Variants in FHOD3 observed in about 807,000 individuals in gnomAD.
FHOD3 encodes the protein FH1/FH2 domain-containing protein 3.
FHOD3 carries 90 observed loss-of-function variants against 173.0 expected under a neutral mutation model. The observed-to-expected ratio is 0.52, with a 90% CI of 0.44 to 0.62. FHOD3 has a LOEUF of 0.62. Ranked by LOEUF, FHOD3 falls within the 20% of genes least tolerant of loss-of-function variation. FHOD3 has a pLI of 0.00. For missense variants in FHOD3, 1,945 were observed against 2,034.7 expected (o/e 0.96, Z 0.85); for synonymous variants, 828 against 823.0 (o/e 1.01, Z -0.10).
Position 36,709,355 on chromosome 18 carries a change from GAGA to G in FHOD3, c.2500_2502del (p.Lys834del), listed in dbSNP as rs752593139. ...CTCCAGCAGCACGTTGGAGAGGGAG[GAGA>G]AGGAGGACAAGCTCTCCAGGGACAG... On this transcript the variant is annotated inframe_deletion, in exon 18 of 29. Transcript: ENST00000590592. The G allele has an allele frequency of 6.8e-6, 11 of 1,614,052 alleles. No homozygotes were observed. The Admixed American group carries it at 1.7e-4, about 24-fold the overall frequency.
rs577832191 is a variant in FHOD3 at position 36,430,571 on chromosome 18, C to T, written c.337+57827C>T. On this transcript the variant is annotated intron_variant, in intron 3 of 28. Coordinates refer to ENST00000590592, the MANE Select transcript of FHOD3 (RefSeq NM_001281740.3). ...TAATTCCTGCAAGTCTGACAGTGAT[C>T]TCTAGTAAAATCTATACAATCTATT... Among the ~76,000 whole-genome samples, 3 of 152,290 alleles carry T rather than the reference C, an allele frequency of 2.0e-5. No homozygotes were observed. In the South Asian group the frequency reaches 6.2e-4, roughly 32 times the overall value.
At chr18:36,634,997 G>A (rs2034782238) in intron 10 of FHOD3, among the ~76,000 whole-genome samples, 1 of 152,164 alleles carries the variant, frequency 6.6e-6, no homozygotes, top group South Asian at 2.1e-4. Flanking sequence ...TTATAAATGG[G>A]ATTCACTGAC....
At chr18:36,596,830 A>G (rs2030518457) in intron 7 of FHOD3, among the ~76,000 whole-genome samples, 1 of 152,138 alleles carries the variant, frequency 6.6e-6, no homozygotes, top group South Asian at 2.1e-4. Flanking sequence ...AAAGACCCTT[A>G]TGGCCAAGAG....
chr18:36,760,042 G>T (rs1346359002), intron 26 of FHOD3, among the ~76,000 whole-genome samples: 2 of 152,116 alleles, frequency 1.3e-5, no homozygotes, highest in African/African-American at 2.4e-5. Flanking sequence ...TTCTTGAAGG[G>T]CCTCAGTTTC....
chr18:36,630,713 C>T (rs1425267891), intron 10 of FHOD3, among the ~76,000 whole-genome samples: 1 of 152,190 alleles, frequency 6.6e-6, no homozygotes, highest in Non-Finnish European at 1.5e-5. Context: ...GAGGAATCTG[C>T]ATTGAGAAGC....
chr18:36,624,887 A>T (rs2033980216), intron 9 of FHOD3, among the ~76,000 whole-genome samples: 1 of 152,140 alleles, frequency 6.6e-6, no homozygotes, highest in Admixed American at 6.5e-5. Flanking sequence ...TTCTGGTAAA[A>T]CTACAGGCTC....
At chr18:36,553,427 C>T (rs1225638357) in intron 5 of FHOD3, among the ~76,000 whole-genome samples, 10 of 152,186 alleles carry the variant, frequency 6.6e-5, no homozygotes, top group Admixed American at 1.3e-4. Flanking sequence ...TGGTAGAATT[C>T]GGCTGTGAAT....
intron 3 of FHOD3, among the ~76,000 whole-genome samples, chr18:36,492,649 T>C (rs1264258216): frequency 1.3e-5 from 2 of 152,134 alleles, no homozygotes; most frequent in Non-Finnish European, 2.9e-5. Context: ...TCCAAGGGAA[T>C]TGGGATTTCA....
intron 5 of FHOD3, among the ~76,000 whole-genome samples, chr18:36,571,401 C>T (rs1010528328): frequency 2.6e-4 from 40 of 152,086 alleles, no homozygotes; most frequent in Non-Finnish European, 5.3e-4. Context: ...AATAAATAGA[C>T]ATAACAGGTT....
Position 36,760,632 on chromosome 18 carries a change from C to A in FHOD3, c.4474C>A (p.Pro1492Thr). 1 of 1,588,572 alleles carries A rather than the reference C, an allele frequency of 6.3e-7. No individual in the cohort carries two copies. Among genetic ancestry groups the A allele is most frequent in the Non-Finnish European group, 8.6e-7 (1 of 1,165,332 alleles). ...VESGKFSGSS[P>T]APPSQPQGLS... ...GTCTGGCAAGTTCTCCGGCAGTTCTCCGGCGCCCCCAAGCCAGCCGCAGGG... is the reference window on the plus strand; with the variant it reads ...GTCTGGCAAGTTCTCCGGCAGTTCTACGGCGCCCCCAAGCCAGCCGCAGGG... The change falls in exon 27 of 29, where the codon CCG (proline) becomes ACG (threonine). Residue 1492 changes from proline to threonine, a missense_variant. By Grantham distance (38) the Pro-to-Thr change is conservative (BLOSUM62 -1). This residue lies in a region of FHOD3 where 354 missense variants were observed against 359.9 expected (regional missense o/e 0.98). Transcript: ENST00000590592.
At chr18:36,550,267 T>TATATATATATATA (rs2057594693) in intron 5 of FHOD3, among the ~76,000 whole-genome samples, 1 of 147,528 alleles carries the variant, frequency 6.8e-6, no homozygotes, top group African/African-American at 2.5e-5. Context: ...TATATATATA[T>TATATATATATATA]GGGTCTGTTT....
At chr18:36,763,446 T>C (rs367935194) in intron 27 of FHOD3, among the ~76,000 whole-genome samples, 27 of 147,648 alleles carry the variant, frequency 1.8e-4, no homozygotes, top group East Asian at 1.4e-3. Context: ...ACGTTATATA[T>C]AATATGCGTA....
chr18:36,610,689 T>G (rs985671019), intron 8 of FHOD3, among the ~76,000 whole-genome samples: 2 of 152,246 alleles, frequency 1.3e-5, no homozygotes, highest in African/African-American at 4.8e-5. Flanking sequence ...CCAACACTGA[T>G]AGCCCCAAGA....
intron 14 of FHOD3, among the ~76,000 whole-genome samples, chr18:36,668,606 A>G (rs1462318686): frequency 4.6e-5 from 7 of 151,974 alleles, no homozygotes; most frequent in African/African-American, 1.7e-4. Flanking sequence ...CTTTTCTAAT[A>G]TAGGCATTCA....
intron 3 of FHOD3, among the ~76,000 whole-genome samples, chr18:36,439,521 ATGTG>A (rs33931333): frequency 0.47 from 68,599 of 144,464 alleles, 16,105 homozygotes; most frequent in Admixed American, 0.52. Context: ...AACCAATAGA[ATGTG>A]TGTGTGTGTG....
At chr18:36,633,371 C>T (rs973262462) in intron 10 of FHOD3, among the ~76,000 whole-genome samples, 2 of 152,224 alleles carry the variant, frequency 1.3e-5, no homozygotes, top group Non-Finnish European at 2.9e-5. Flanking sequence ...ACTGCCAGGC[C>T]ATCACTTGAT....
intron 10 of FHOD3, among the ~76,000 whole-genome samples, chr18:36,631,034 G>A (rs1401350323): frequency 6.6e-6 from 1 of 152,196 alleles, no homozygotes; most frequent in African/African-American, 2.4e-5. Flanking sequence ...AGCCTCAGCT[G>A]GTTCCAGGAG....
intron 16 of FHOD3, among the ~76,000 whole-genome samples, chr18:36,689,644 A>G (rs1011949920): frequency 1.3e-4 from 20 of 152,292 alleles, no homozygotes; most frequent in Non-Finnish European, 2.4e-4. Context: ...TTTAAAGGAG[A>G]AAAAAGAAGT....
intron 7 of FHOD3, among the ~76,000 whole-genome samples, chr18:36,597,376 T>A (rs940657285): frequency 1.3e-5 from 2 of 152,272 alleles, no homozygotes; most frequent in African/African-American, 4.8e-5. Context: ...ATAATAATAA[T>A]AAAAACAGCT....
Sources: gnomAD v4.1 joint callset for allele counts (sites outside exome capture counted in the v4.1 genomes callset) on GRCh38, gnomAD v4.1.1 for gene constraint, gnomAD v4.1.1 regional missense constraint, MANE v1.5 for transcripts, NCBI Gene and HGNC (gene_info 2026-07-23, HGNC 2026-07-21) for gene names.